Variants in ASTN2 observed in about 807,000 individuals in gnomAD.
The protein encoded by ASTN2 is astrotactin 2, also known as astrotactin-2.
A neutral mutation model predicts 139.8 loss-of-function variants in ASTN2; 54 were observed. The ratio of observed to expected loss-of-function variants is 0.39; its 90% CI spans 0.31 to 0.48. The LOEUF (loss-of-function observed/expected upper bound fraction) is 0.48, where lower values mean the gene tolerates loss of function less well. ASTN2 is among the 20% of genes least tolerant of loss of function. The pLI is 0.95. For synonymous variants in ASTN2, 756 were observed against 719.5 expected (o/e 1.05, Z -0.81); for missense variants, 1,565 against 1,725.1 (o/e 0.91, Z 1.64).
chr9:116,502,763 G>GAAGA (rs1249335946), intron 19 of ASTN2, among the ~76,000 whole-genome samples: 7 of 52,842 alleles, frequency 1.3e-4, no homozygotes, highest in Admixed American at 6.2e-4. Context: ...AGGAAGGAGA[G>GAAGA]AAGGAAGGAA....
At chr9:117,034,680 C>T (rs563663505) in intron 6 of ASTN2, among the ~76,000 whole-genome samples, 17 of 152,256 alleles carry the variant, frequency 1.1e-4, no homozygotes, top group Non-Finnish European at 2.4e-4. Flanking sequence ...ATCTGACTCA[C>T]TGGTTCTGGG....
At chr9:116,672,691 G>T (rs1274430825) in intron 16 of ASTN2, among the ~76,000 whole-genome samples, 1 of 152,166 alleles carries the variant, frequency 6.6e-6, no homozygotes, top group Non-Finnish European at 1.5e-5. Flanking sequence ...AGGAGGGAAG[G>T]GAAGTACAGA....
intron 19 of ASTN2, among the ~76,000 whole-genome samples, chr9:116,553,889 C>T (rs1398431434): frequency 2.6e-5 from 4 of 152,144 alleles, no homozygotes; most frequent in African/African-American, 9.7e-5. Context: ...AAGATATCAG[C>T]CTCCAAAGGG....
intron 2 of ASTN2, among the ~76,000 whole-genome samples, chr9:117,269,669 C>T (rs577244197): frequency 2.6e-5 from 4 of 152,126 alleles, no homozygotes; most frequent in African/African-American, 4.8e-5. Flanking sequence ...AGGCCCCGTG[C>T]GAATCATCAT....
chr9:116,620,806 G>A (rs535772147), intron 17 of ASTN2, among the ~76,000 whole-genome samples: 5 of 152,284 alleles, frequency 3.3e-5, no homozygotes, highest in African/African-American at 9.6e-5. Flanking sequence ...CACACAGAAA[G>A]TAAATAACTT....
At chr9:117,249,713 A>G (rs1270278827) in intron 2 of ASTN2, among the ~76,000 whole-genome samples, 3 of 151,758 alleles carry the variant, frequency 2.0e-5, no homozygotes, top group African/African-American at 4.8e-5. Flanking sequence ...TTTAACTTTA[A>G]AGATGGAGAG....
At chr9:116,815,828 A>AAAAAG (rs1554750237) in intron 12 of ASTN2, among the ~76,000 whole-genome samples, 1 of 145,878 alleles carries the variant, frequency 6.9e-6, no homozygotes, top group African/African-American at 2.5e-5. Flanking sequence ...AAAAAAAAAA[A>AAAAAG]GTTGATGAAA....
chr9:117,338,146 A>T (rs1183610332), intron 1 of ASTN2, among the ~76,000 whole-genome samples: 3 of 152,178 alleles, frequency 2.0e-5, no homozygotes, highest in African/African-American at 7.2e-5. Context: ...ATTAGGAAAG[A>T]TTGCCATTTT....
At position 117,050,418 on chromosome 9, in the gene ASTN2, A is replaced by C. The variant is rs375666552; in HGVS notation, c.1277-10453T>G. Among the ~76,000 whole-genome samples the C allele has an allele frequency of 3.0e-4, 46 of 152,224 alleles. 1 individual carries two copies. In the East Asian group the frequency reaches 5.1e-3, roughly 17 times the overall value. ...TTTACTAGGCCTCCTGTGATGGCCT[A>C]GTAAATACTGAATACACAACCAACG... On this transcript the variant is annotated intron_variant, in intron 5 of 22. Coordinates refer to ENST00000313400, the MANE Select transcript of ASTN2 (RefSeq NM_001365068.1).
chr9:116,952,236 T>C (rs918740179), intron 10 of ASTN2, among the ~76,000 whole-genome samples: 10 of 152,220 alleles, frequency 6.6e-5, no homozygotes, highest in Non-Finnish European at 1.5e-5. Flanking sequence ...TATGTCTGAC[T>C]ACTTACTCTA....
intron 3 of ASTN2, among the ~76,000 whole-genome samples, chr9:117,142,598 C>T (rs1041013195): frequency 3.3e-5 from 5 of 152,056 alleles, no homozygotes; most frequent in African/African-American, 1.2e-4. Flanking sequence ...TTAGTAGCCA[C>T]ATTTCCAAAA....
chr9:116,537,157 C>G lies in ASTN2; in HGVS notation c.3356-49657G>C, dbSNP rs533087053. On this transcript the variant is annotated intron_variant, in intron 19 of 22. Transcript: ENST00000313400. Reference sequence around the variant, plus strand: ...CATGGGCATGAGACCCTCCGAGCCACGTGCGGGATATAATCTCCTGGTGTG... The same window carrying G: ...CATGGGCATGAGACCCTCCGAGCCAGGTGCGGGATATAATCTCCTGGTGTG... Among the ~76,000 whole-genome samples the G allele has an allele frequency of 1.4e-4, 22 of 152,328 alleles. 1 individual carries two copies. In the South Asian group the frequency reaches 3.9e-3, roughly 27 times the overall value.
At position 116,952,834 on chromosome 9, in the gene ASTN2, G is replaced by T. The variant is rs534645836; in HGVS notation, c.1889+22374C>A. Among the ~76,000 whole-genome samples the T allele has an allele frequency of 4.6e-5, 7 of 152,250 alleles. No individual in the cohort carries two copies. In the East Asian group the frequency reaches 1.4e-3, roughly 29 times the overall value. On this transcript the variant is annotated intron_variant, in intron 10 of 22. Coordinates refer to ENST00000313400, the MANE Select transcript of ASTN2 (RefSeq NM_001365068.1). ...CTTTGATTACAGCCTTTGAGGAGGG[G>T]CCCAATTACTTACTGCTCAGCCACC...
At chr9:117,264,072 A>G (rs906653757) in intron 2 of ASTN2, among the ~76,000 whole-genome samples, 13 of 152,138 alleles carry the variant, frequency 8.5e-5, no homozygotes, top group African/African-American at 3.1e-4. Flanking sequence ...TTAAAAATAA[A>G]ATTAAAAAAA....
At chr9:116,807,881 G>A (rs1048272434) in intron 12 of ASTN2, among the ~76,000 whole-genome samples, 1 of 151,980 alleles carries the variant, frequency 6.6e-6, no homozygotes, top group Admixed American at 6.6e-5. Context: ...GGAGGATGAG[G>A]TGGGTGGATC....
intron 11 of ASTN2, among the ~76,000 whole-genome samples, chr9:116,836,494 G>A (rs1443329085): frequency 6.6e-6 from 1 of 152,144 alleles, no homozygotes; most frequent in African/African-American, 2.4e-5. Context: ...TGTTTGGCTG[G>A]AGTAGAGCAC....
At chr9:116,432,422 G>A (rs1239299717) in intron 22 of ASTN2, among the ~76,000 whole-genome samples, 1 of 152,076 alleles carries the variant, frequency 6.6e-6, no homozygotes, top group African/African-American at 2.4e-5. Context: ...TTCTAAACTC[G>A]GACTCCAACA....
intron 15 of ASTN2, 105 bp downstream of exon 15, chr9:116,728,887 C>G (rs1445845602): frequency 1.1e-6 from 1 of 910,860 alleles, no homozygotes; most frequent in Non-Finnish European, 1.7e-6. Context: ...ATCCTCATTT[C>G]CTCAGCATCC....
chr9:117,393,223 C>T (rs77025746), intron 1 of ASTN2, among the ~76,000 whole-genome samples: 1,541 of 152,286 alleles, frequency 0.01, 26 homozygotes, highest in African/African-American at 0.035. Context: ...GATGGCGCCA[C>T]GCTGGTCAAC....
Sources: allele counts gnomAD v4.1 joint callset (sites outside exome capture counted in the v4.1 genomes callset), GRCh38; gene constraint gnomAD v4.1.1; transcripts MANE v1.5; gene names NCBI Gene and HGNC (gene_info 2026-07-23, HGNC 2026-07-21).